KLHL2: variants seen among roughly 807,000 people sequenced by gnomAD.
KLHL2 encodes the protein kelch-like protein 2.
In KLHL2, 15 loss-of-function variants were observed where a neutral mutation model predicts 75.8. That is an observed-to-expected ratio of 0.20 (90% CI 0.13 to 0.30). KLHL2 has a LOEUF of 0.30. Ranked by LOEUF, KLHL2 falls within the 10% of genes least tolerant of loss-of-function variation. KLHL2 has a pLI of 1.00. For synonymous variants in KLHL2, 214 were observed against 251.9 expected, an observed-to-expected ratio of 0.85 and a Z score of 1.42; for missense variants, 381 against 741.0, an observed-to-expected ratio of 0.51 and a Z score of 5.64.
chr4:165,263,644 C>A (rs759432590), intron 5 of KLHL2, among the ~76,000 whole-genome samples: 1 of 150,406 alleles, frequency 6.6e-6, no homozygotes, highest in Non-Finnish European at 1.5e-5. Flanking sequence ...TGCCCTGTCA[C>A]CCAGGCTGCG....
At chr4:165,311,012 G>A (rs183531666) in intron 10 of KLHL2, among the ~76,000 whole-genome samples, 13 of 151,838 alleles carry the variant, frequency 8.6e-5, no homozygotes, top group East Asian at 1.9e-4. Flanking sequence ...CCGCCACCAC[G>A]CCCGGCTAAT....
intron 1 of KLHL2, among the ~76,000 whole-genome samples, chr4:165,214,533 CA>C (rs1737403117): frequency 6.6e-6 from 1 of 152,120 alleles, no homozygotes; most frequent in Non-Finnish European, 1.5e-5. Flanking sequence ...GAGCTTTTTA[CA>C]GCTCCATTGT....
chr4:165,243,409 T>G (rs755954148), intron 4 of KLHL2, among the ~76,000 whole-genome samples: 1 of 152,244 alleles, frequency 6.6e-6, no homozygotes, highest in Non-Finnish European at 1.5e-5. Context: ...TGAGTACTCA[T>G]CTACAGATTC....
intron 5 of KLHL2, among the ~76,000 whole-genome samples, chr4:165,264,614 A>C (rs55650232): frequency 0.22 from 31,258 of 143,134 alleles, 3,969 homozygotes; most frequent in Non-Finnish European, 0.29. Context: ...ATACACACAC[A>C]CACGTACGTA....
At chr4:165,219,111 A>T (rs188319570) in intron 1 of KLHL2, among the ~76,000 whole-genome samples, 1 of 152,286 alleles carries the variant, frequency 6.6e-6, no homozygotes, top group East Asian at 1.9e-4. Context: ...TTATGTCCTA[A>T]GTCTTGAAAG....
intron 1 of KLHL2, among the ~76,000 whole-genome samples, chr4:165,213,858 A>G (rs1737362773): frequency 6.6e-6 from 1 of 152,232 alleles, no homozygotes; most frequent in Admixed American, 6.5e-5. Context: ...CTGCATATTC[A>G]GTTTAGATCC....
chr4:165,212,510 A>T (rs1737257845), intron 1 of KLHL2, among the ~76,000 whole-genome samples: 1 of 152,210 alleles, frequency 6.6e-6, no homozygotes, highest in South Asian at 2.1e-4. Flanking sequence ...TTGCTAAAAT[A>T]TTCCTTTGAC....
intron 5 of KLHL2, chr4:165,279,781 G>A: frequency 1.3e-6 from 1 of 743,520 alleles, no homozygotes; most frequent in South Asian, 1.4e-5. Flanking sequence ...TTTACTGGCT[G>A]GCTAGCAGGC....
chr4:165,223,831 A>G (rs1441307874), intron 2 of KLHL2: 2 of 239,868 alleles, frequency 8.3e-6, no homozygotes, highest in South Asian at 3.5e-5. Flanking sequence ...AACCCAATAG[A>G]TCTTCACAGA....
At chr4:165,283,649 G>T (rs1215946987) in intron 5 of KLHL2, among the ~76,000 whole-genome samples, 3 of 152,176 alleles carry the variant, frequency 2.0e-5, no homozygotes, top group Non-Finnish European at 4.4e-5. Flanking sequence ...CAGGCACATG[G>T]TGCAGGCTAT....
chr4:165,288,668 T>G (rs1386857593), intron 5 of KLHL2, among the ~76,000 whole-genome samples: 1 of 152,184 alleles, frequency 6.6e-6, no homozygotes, highest in African/African-American at 2.4e-5. Context: ...TTTGTAGTTG[T>G]TAAAAGCAGT....
intron 1 of KLHL2, among the ~76,000 whole-genome samples, chr4:165,216,783 A>G (rs1308796736): frequency 6.6e-6 from 1 of 152,130 alleles, no homozygotes; most frequent in Non-Finnish European, 1.5e-5. Flanking sequence ...GGACGTTTGC[A>G]GAAGGGGTGA....
chr4:165,306,775 T>G (rs192158262), intron 9 of KLHL2, among the ~76,000 whole-genome samples: 2 of 152,356 alleles, frequency 1.3e-5, no homozygotes, highest in East Asian at 1.9e-4. Context: ...ACAGTTATGT[T>G]AAGGAAAGTA....
chr4:165,304,917 A>G (rs1560823376), intron 8 of KLHL2, among the ~76,000 whole-genome samples: 1 of 152,324 alleles, frequency 6.6e-6, no homozygotes, highest in East Asian at 1.9e-4. Flanking sequence ...GTAGGCATTT[A>G]GTAAATAGTT....
chr4:165,273,558 T>C lies in KLHL2; in HGVS notation c.544+10199T>C, dbSNP rs148789392. Among the ~76,000 whole-genome samples the C allele has an allele frequency of 8.5e-5, 13 of 152,344 alleles. No homozygotes were observed. In the East Asian group the frequency reaches 2.5e-3, roughly 29 times the overall value. On this transcript the variant is annotated intron_variant, in intron 5 of 14. Coordinates refer to ENST00000226725, the MANE Select transcript of KLHL2 (RefSeq NM_007246.4). Reference sequence around the variant, plus strand: ...GGGGCAGGTCTTTCCTTTGCTGTTCTTGTGATAGTAAGTCTCACAAGATCT... The same window carrying C: ...GGGGCAGGTCTTTCCTTTGCTGTTCCTGTGATAGTAAGTCTCACAAGATCT...
rs966271064 is a variant in KLHL2, at chr4:165,295,538, G to C, written c.654+1070G>C. ...TTGTTACTCATAGACTAGTGGGACA[G>C]CCAGTAGAGTAAATAATTGATTACA... On this transcript the variant is annotated intron_variant, in intron 6 of 14. Transcript: ENST00000226725. 2.0e-5 allele frequency among the ~76,000 whole-genome samples: 3 copies of C among 152,310 alleles called. No individual in the cohort carries two copies. The South Asian group carries it at 6.2e-4, about 32-fold the overall frequency.
At chr4:165,298,019 T>C (rs994438481) in intron 7 of KLHL2, among the ~76,000 whole-genome samples, 2 of 152,214 alleles carry the variant, frequency 1.3e-5, no homozygotes, top group Non-Finnish European at 2.9e-5. Flanking sequence ...GTTGGGGTTT[T>C]GCCCTGTTGG....
intron 6 of KLHL2, among the ~76,000 whole-genome samples, chr4:165,294,833 T>C (rs1449213382): frequency 2.6e-5 from 4 of 152,218 alleles, no homozygotes; most frequent in African/African-American, 9.7e-5. Flanking sequence ...CCTGTAGGAA[T>C]TATGATGTGA....
intron 3 of KLHL2, among the ~76,000 whole-genome samples, chr4:165,232,459 A>G (rs1239959808): frequency 6.6e-6 from 1 of 151,578 alleles, no homozygotes; most frequent in African/African-American, 2.4e-5. Flanking sequence ...GGCAGGGCGC[A>G]GTGGCTCATG....
Sources: allele counts gnomAD v4.1 joint callset (sites outside exome capture counted in the v4.1 genomes callset), GRCh38; gene constraint gnomAD v4.1.1; transcripts MANE v1.5; gene names NCBI Gene and HGNC (gene_info 2026-07-23, HGNC 2026-07-21).